The following CNTN5 variants were observed in gnomAD, a reference collection of about 807,000 sequenced individuals.
CNTN5 encodes contactin-5.
CNTN5 carries 77 observed loss-of-function variants against 129.1 expected under a neutral mutation model. That is an observed-to-expected ratio of 0.60 (90% CI 0.50 to 0.72). CNTN5 has a LOEUF of 0.72. CNTN5 is among the 30% of genes least tolerant of loss of function. The probability of loss-of-function intolerance (pLI) is 0.00; values close to 1 mark genes in which losing one functional copy is unlikely to be tolerated. For missense variants in CNTN5, 1,478 were observed against 1,328.8 expected (o/e 1.11, Z -1.75); for synonymous variants, 509 against 465.6 (o/e 1.09, Z -1.20).
chr11:99,702,527 A>C (rs1242474899), intron 3 of CNTN5, among the ~76,000 whole-genome samples: 1 of 150,992 alleles, frequency 6.6e-6, no homozygotes, highest in Admixed American at 6.6e-5. Context: ...TATCATAATC[A>C]GTTTTGTTAT....
At chr11:99,463,874 A>C (rs2135246650) in intron 2 of CNTN5, among the ~76,000 whole-genome samples, 1 of 152,346 alleles carries the variant, frequency 6.6e-6, no homozygotes, top group South Asian at 2.1e-4. Flanking sequence ...TATATAGTGA[A>C]ATATTTTAAA....
chr11:100,002,108 G>C lies in CNTN5; in HGVS notation c.952G>C (p.Val318Leu). 1 of 1,592,042 alleles carries C rather than the reference G, an allele frequency of 6.3e-7. No homozygotes were observed. The highest frequency in any genetic ancestry group is 8.5e-7 in the Non-Finnish European group (1 of 1,172,920). ...GGTTACAGCTGCTAAAGGAACAACT[G>C]TTAAGATGGAATGCTTTGCACTTGG... is the stretch of plus-strand genomic sequence containing the variant. ...FTVTAAKGTTVKMECFALGNP... is the reference protein window; with the variant it reads ...FTVTAAKGTTLKMECFALGNP... Residue 318 changes from valine to leucine, a missense_variant, in exon 9 of 25, where the codon GTT becomes CTT. By Grantham distance (32) the Val-to-Leu change is conservative (BLOSUM62 1). Transcript: ENST00000524871.
At chr11:99,637,010 CAAAAAAAAAAAAAAAAAAAAAAAAA>C (rs869133131) in intron 3 of CNTN5, among the ~76,000 whole-genome samples, 1 of 7,824 alleles carries the variant, frequency 1.3e-4, no homozygotes, top group Admixed American at 2.3e-3. Context: ...AACTTTGTCT[CAAAAAAAAAAAAAAAAAAAAAAAAA>C]AAAAAAGTAA....
intron 3 of CNTN5, among the ~76,000 whole-genome samples, chr11:99,624,560 T>C (rs117502429): frequency 9.2e-5 from 14 of 152,286 alleles, no homozygotes; most frequent in Non-Finnish European, 1.8e-4. Context: ...TTTTTGACCA[T>C]ATATTGCCAG....
chr11:99,938,512 C>T lies in CNTN5; in HGVS notation c.674-18294C>T, dbSNP rs147696367. 6.2e-3 allele frequency among the ~76,000 whole-genome samples: 946 copies of T among 152,092 alleles called. 7 individuals are homozygous for T. The highest frequency in any genetic ancestry group is 0.01 in the Non-Finnish European group (684 of 67,954). ...GAATCATGGCACATAATGGGAAGTA[C>T]AAGAAGCCGGTAATAGTTCTGAATT... is the stretch of plus-strand genomic sequence containing the variant. On this transcript the variant is annotated intron_variant, in intron 7 of 24. Transcript: ENST00000524871.
chr11:99,432,351 T>C (rs1352346527), intron 2 of CNTN5, among the ~76,000 whole-genome samples: 1 of 152,100 alleles, frequency 6.6e-6, no homozygotes, highest in Non-Finnish European at 1.5e-5. Flanking sequence ...CCAGATACCG[T>C]CAACTGCACA....
Position 99,750,543 on chromosome 11 carries a change from A to T in CNTN5, c.56-69001A>T, listed in dbSNP as rs915312010. On this transcript the variant is annotated intron_variant, in intron 3 of 24. Transcript: ENST00000524871. ...CTGAGAGCTAAGATAGAAGAGTGGT[A>T]GCTAAAAAAAAAAGCTACCACTCTT... Among the ~76,000 whole-genome samples the T allele has an allele frequency of 2.1e-5, 3 of 140,936 alleles. No individual in the cohort carries two copies. The Admixed American group carries it at 2.2e-4, about 10-fold the overall frequency. 92.5% of individuals were successfully genotyped at this position (140,936 alleles called of 152,430 possible). A position where few individuals can be genotyped will look rare whatever the true frequency, so the allele number is the denominator to read the frequency against.
At chr11:100,173,270 A>G (rs1018163530) in intron 13 of CNTN5, among the ~76,000 whole-genome samples, 4 of 152,034 alleles carry the variant, frequency 2.6e-5, no homozygotes, top group Non-Finnish European at 5.9e-5. Flanking sequence ...TTTTTTGCAC[A>G]CTTTAGCGTA....
intron 1 of CNTN5, among the ~76,000 whole-genome samples, chr11:99,201,217 G>T (rs1337020962): frequency 4.0e-5 from 6 of 151,036 alleles, no homozygotes; most frequent in Non-Finnish European, 5.9e-5. Context: ...GTAGAGATGG[G>T]GTTTCACCAT....
At chr11:99,909,506 A>G (rs566730631) in intron 6 of CNTN5, among the ~76,000 whole-genome samples, 27 of 152,104 alleles carry the variant, frequency 1.8e-4, no homozygotes, top group Non-Finnish European at 3.2e-4. Flanking sequence ...AAAGACATAT[A>G]CACACGTTAT....
At chr11:99,717,930 A>G (rs1394965267) in intron 3 of CNTN5, among the ~76,000 whole-genome samples, 5 of 152,130 alleles carry the variant, frequency 3.3e-5, no homozygotes, top group Non-Finnish European at 5.9e-5. Context: ...CTCAGCCATG[A>G]CAATACTTAG....
intron 2 of CNTN5, among the ~76,000 whole-genome samples, chr11:99,428,520 A>C (rs1357346493): frequency 3.5e-5 from 5 of 142,162 alleles, no homozygotes; most frequent in Non-Finnish European, 7.5e-5. Context: ...AGATTGTGTC[A>C]CTCCCCTCCA....
intron 1 of CNTN5, among the ~76,000 whole-genome samples, chr11:99,221,748 G>A (rs527525897): frequency 6.6e-6 from 1 of 151,944 alleles, no homozygotes; most frequent in East Asian, 1.9e-4. Flanking sequence ...TTACTCAGAG[G>A]AGTAATTTTG....
chr11:100,347,027 C>G (rs1952295801), intron 23 of CNTN5, among the ~76,000 whole-genome samples: 3 of 152,100 alleles, frequency 2.0e-5, no homozygotes, highest in Admixed American at 1.3e-4. Flanking sequence ...GACCTGTCCC[C>G]ATGATTCAGT....
intron 3 of CNTN5, chr11:99,558,415 C>G (rs1262703888): frequency 1.1e-5 from 2 of 186,064 alleles, no homozygotes. Context: ...CTGGTATGTT[C>G]CATGCAATAT....
At chr11:100,167,376 G>T (rs187757294) in intron 13 of CNTN5, among the ~76,000 whole-genome samples, 3 of 151,764 alleles carry the variant, frequency 2.0e-5, no homozygotes, top group Admixed American at 6.6e-5. Context: ...TTTAAAGCAG[G>T]CAAAATTTGA....
intron 8 of CNTN5, among the ~76,000 whole-genome samples, chr11:99,965,410 G>C (rs1427482076): frequency 6.6e-6 from 1 of 151,888 alleles, no homozygotes; most frequent in African/African-American, 2.4e-5. Context: ...CCTTCATTTC[G>C]TTATGTACCC....
At chr11:99,451,303 C>CTCTGTAACA (rs1944292202) in intron 2 of CNTN5, among the ~76,000 whole-genome samples, 1 of 152,080 alleles carries the variant, frequency 6.6e-6, no homozygotes, top group South Asian at 2.1e-4. Flanking sequence ...ACACTGATGA[C>CTCTGTAACA]CCCATGTTAC....
chr11:99,400,408 T>C (rs1565550964), intron 2 of CNTN5, among the ~76,000 whole-genome samples: 1 of 152,104 alleles, frequency 6.6e-6, no homozygotes, highest in South Asian at 2.1e-4. Context: ...AATTTCATTC[T>C]TTTTTTATGG....
Sources: allele counts gnomAD v4.1 joint callset (sites outside exome capture counted in the v4.1 genomes callset), GRCh38; gene constraint gnomAD v4.1.1; transcripts MANE v1.5; gene names NCBI Gene and HGNC (gene_info 2026-07-23, HGNC 2026-07-21).